SLIT2: variants seen among roughly 807,000 people sequenced by gnomAD.
SLIT2 encodes the protein slit homolog 2 protein.
Under a neutral mutation model 185.7 loss-of-function variants are expected in SLIT2, and 41 were observed. The observed-to-expected ratio is 0.22, with a 90% CI of 0.17 to 0.29. The LOEUF is 0.29. SLIT2 is among the 10% of genes least tolerant of loss of function. The pLI is 1.00. For synonymous variants in SLIT2, 693 were observed against 680.2 expected, an observed-to-expected ratio of 1.02 and a Z score of -0.29; for missense variants, 1,571 against 1,909.0, an observed-to-expected ratio of 0.82 and a Z score of 3.30.
chr4:20,301,140 C>T (rs529240205), intron 4 of SLIT2, among the ~76,000 whole-genome samples: 1 of 152,056 alleles, frequency 6.6e-6, no homozygotes, highest in Admixed American at 6.5e-5. Flanking sequence ...TTGCTTTGTT[C>T]ATATGGTTGA....
intron 4 of SLIT2, among the ~76,000 whole-genome samples, chr4:20,342,993 C>A (rs1343242128): frequency 6.6e-6 from 1 of 151,060 alleles, no homozygotes; most frequent in African/African-American, 2.4e-5. Context: ...TGAGATACAT[C>A]TGAAATTTTG....
rs552851809 is a variant in SLIT2 at position 20,251,996 on chromosome 4, AGGC to A, written c.-1799_-1797del. Among the ~76,000 whole-genome samples the A allele has an allele frequency of 9.3e-5, 14 of 151,100 alleles. No homozygotes were observed. Among genetic ancestry groups the A allele is most frequent in the East Asian group, 8.5e-4 (4 of 4,716 alleles). On this transcript the variant is annotated 5_prime_UTR_variant, in exon 1 of 37. Coordinates refer to ENST00000504154, the MANE Select transcript of SLIT2 (RefSeq NM_004787.4). ...CCGCAGACTGTGGTTAAAAAAAAGAAGGCGGCGGCGGCGGCGGCGGCGGAGGCG... is the reference window on the plus strand; with the variant it reads ...CCGCAGACTGTGGTTAAAAAAAAGAAGGCGGCGGCGGCGGCGGCGGAGGCG...
At chr4:20,472,687 G>A (rs1715691814) in intron 5 of SLIT2, among the ~76,000 whole-genome samples, 1 of 128,372 alleles carries the variant, frequency 7.8e-6, no homozygotes, top group South Asian at 2.6e-4. Flanking sequence ...AGCCTTTGCT[G>A]TCTTCTAAAC....
rs1400222600 is a variant in SLIT2 at position 20,254,668 on chromosome 4, C to G, written c.179+674C>G. Among the ~76,000 whole-genome samples, 1 of 152,080 alleles carries G rather than the reference C, an allele frequency of 6.6e-6. No individual in the cohort carries two copies. Among genetic ancestry groups the G allele is most frequent in the Non-Finnish European group, 1.5e-5 (1 of 68,016 alleles). On this transcript the variant is annotated intron_variant, in intron 1 of 36. Coordinates refer to ENST00000504154, the MANE Select transcript of SLIT2 (RefSeq NM_004787.4). The surrounding 1 kb of genome is among the most constrained non-coding windows in gnomAD (Gnocchi z 5.1). ...GCCCCTAGGGACTTGTCTCAGCGGG[C>G]GACTGCGAGGGAGGACCGTGTCCCA...
At chr4:20,479,443 G>T (rs895728261) in intron 5 of SLIT2, among the ~76,000 whole-genome samples, 1 of 152,062 alleles carries the variant, frequency 6.6e-6, no homozygotes, top group Non-Finnish European at 1.5e-5. Context: ...GGATGCATTT[G>T]TATTACGATC....
At chr4:20,269,129 C>T (rs1713335572) in intron 4 of SLIT2, among the ~76,000 whole-genome samples, 1 of 151,552 alleles carries the variant, frequency 6.6e-6, no homozygotes. Context: ...TTTTTGGTAA[C>T]GTGATGATGG....
chr4:20,458,594 A>G (rs568599558), intron 4 of SLIT2, among the ~76,000 whole-genome samples: 2 of 152,306 alleles, frequency 1.3e-5, no homozygotes, highest in East Asian at 3.9e-4. Flanking sequence ...GTGATCTTCA[A>G]ATAACATTTT....
chr4:20,409,875 A>G (rs1727077420), intron 4 of SLIT2, among the ~76,000 whole-genome samples: 1 of 152,004 alleles, frequency 6.6e-6, no homozygotes, highest in Non-Finnish European at 1.5e-5. Flanking sequence ...TCTTCTTTTG[A>G]GAAGTGTCTA....
At chr4:20,520,033 CAAAAAAAAAAAA>C (rs34644308) in intron 12 of SLIT2, among the ~76,000 whole-genome samples, 3 of 68,384 alleles carry the variant, frequency 4.4e-5, no homozygotes, top group East Asian at 4.5e-4. Flanking sequence ...GACTCCGTCT[CAAAAAAAAAAAA>C]AAAAAAAAAA....
chr4:20,575,056 G>A (rs751409968), intron 29 of SLIT2, among the ~76,000 whole-genome samples: 2 of 152,138 alleles, frequency 1.3e-5, no homozygotes, highest in East Asian at 1.9e-4. Context: ...TAAGCAATTG[G>A]TGGCCTGGGT....
At chr4:20,342,023 A>T (rs1486057487) in intron 4 of SLIT2, among the ~76,000 whole-genome samples, 1 of 152,184 alleles carries the variant, frequency 6.6e-6, no homozygotes, top group Non-Finnish European at 1.5e-5. Context: ...TTAGGGTAAA[A>T]AAGTCATTGA....
At chr4:20,483,881 A>C (rs949101492) in intron 6 of SLIT2, among the ~76,000 whole-genome samples, 1 of 152,072 alleles carries the variant, frequency 6.6e-6, no homozygotes, top group Non-Finnish European at 1.5e-5. Context: ...CATAACATAC[A>C]CAAGTAATCA....
At chr4:20,509,016 G>A (rs576632063) in intron 9 of SLIT2, among the ~76,000 whole-genome samples, 5 of 151,138 alleles carry the variant, frequency 3.3e-5, no homozygotes, top group African/African-American at 4.9e-5. Context: ...AATGTTACGC[G>A]TGTGTGTGTG....
intron 29 of SLIT2, among the ~76,000 whole-genome samples, chr4:20,579,483 A>G (rs766382825): frequency 1.3e-5 from 2 of 152,158 alleles, no homozygotes; most frequent in Admixed American, 6.5e-5. Flanking sequence ...CTAGGCCGGG[A>G]TGCTACACAT....
chr4:20,542,146 T>G (rs1722851041), intron 20 of SLIT2, among the ~76,000 whole-genome samples: 1 of 152,178 alleles, frequency 6.6e-6, no homozygotes, highest in South Asian at 2.1e-4. Context: ...TATATTCCCT[T>G]ATGTCTCTTC....
At chr4:20,523,253 G>T (rs551834553) in intron 12 of SLIT2, among the ~76,000 whole-genome samples, 1 of 152,272 alleles carries the variant, frequency 6.6e-6, no homozygotes, top group East Asian at 1.9e-4. Flanking sequence ...TACAGGTCAG[G>T]CTGTTGTGAC....
chr4:20,304,961 C>T (rs1312615174), intron 4 of SLIT2, among the ~76,000 whole-genome samples: 1 of 152,130 alleles, frequency 6.6e-6, no homozygotes, highest in Non-Finnish European at 1.5e-5. Flanking sequence ...GATTGTGATA[C>T]CTTCATTTAT....
At chr4:20,405,003 C>G (rs1452162031) in intron 4 of SLIT2, among the ~76,000 whole-genome samples, 1 of 145,064 alleles carries the variant, frequency 6.9e-6, no homozygotes, top group African/African-American at 2.5e-5. Flanking sequence ...GTATATAATT[C>G]TCTGATTTTT....
chr4:20,253,949 C>G lies in SLIT2; in HGVS notation c.134C>G (p.Ala45Gly). Residue 45 changes from alanine (A) to glycine (G), a missense_variant, in exon 1 of 37, where the codon GCG becomes GGG. Physicochemically the swap from Ala to Gly is moderately conservative, Grantham distance 60. Around this residue, in one of 3 missense-constraint regions of SLIT2, gnomAD observed 1,202 missense variants for 1,416.4 expected, o/e 0.85. Transcript: ENST00000504154. The stretch of plus-strand genomic sequence containing the variant: ...AGCACAGTGGACTGTCACGGGCTGG[C>G]GCTGCGCAGCGTGCCCAGGAATATC... Reference protein sequence around the residue: ...SGSTVDCHGLALRSVPRNIPR... With the variant: ...SGSTVDCHGLGLRSVPRNIPR... 3 of 1,602,918 alleles carry G rather than the reference C, an allele frequency of 1.9e-6. No homozygotes were observed. The highest frequency in any genetic ancestry group is 2.5e-6 in the Non-Finnish European group (3 of 1,179,882).
Sources: allele counts gnomAD v4.1 joint callset (sites outside exome capture counted in the v4.1 genomes callset), GRCh38; gene constraint gnomAD v4.1.1; regional missense constraint gnomAD v4.1.1; non-coding constraint Gnocchi (gnomAD v3.1); transcripts MANE v1.5; gene names NCBI Gene and HGNC (gene_info 2026-07-23, HGNC 2026-07-21).